LRRIQ3: variants seen among roughly 807,000 people sequenced by gnomAD.
LRRIQ3 encodes the protein leucine rich repeats and IQ motif containing 3, also known as leucine-rich repeat and IQ domain-containing protein 3.
LRRIQ3 carries 75 observed loss-of-function variants against 59.3 expected under a neutral mutation model. The observed-to-expected ratio is 1.26, with a 90% CI of 1.05 to 1.53. LRRIQ3 has a LOEUF of 1.53. Among genes scored for constraint, LRRIQ3 ranks in the 40% most tolerant of loss-of-function variants. The probability of loss-of-function intolerance (pLI) is 0.00; values close to 1 mark genes in which losing one functional copy is unlikely to be tolerated. For missense variants in LRRIQ3, 831 were observed against 710.0 expected (o/e 1.17, Z -1.94); for synonymous variants, 250 against 231.3 (o/e 1.08, Z -0.73).
At chr1:74,063,234 A>T (rs1160441768) in intron 6 of LRRIQ3, among the ~76,000 whole-genome samples, 1 of 151,964 alleles carries the variant, frequency 6.6e-6, no homozygotes, top group Non-Finnish European at 1.5e-5. Flanking sequence ...TTTCTAATGT[A>T]ATCTCATAAT....
intron 4 of LRRIQ3, among the ~76,000 whole-genome samples, chr1:74,154,240 C>CAAAAAAAAAAAAAAAAAAAAAAAAAAAA (rs71078186): frequency 7.0e-5 from 4 of 57,278 alleles, no homozygotes; most frequent in Middle Eastern, 0.014. Context: ...GACTCCTTCT[C>CAAAAAAAAAAAAAAAAAAAAAAAAAAAA]AAAAAAAAAA....
At chr1:74,045,411 G>T (rs1654170587) in intron 6 of LRRIQ3, among the ~76,000 whole-genome samples, 1 of 151,920 alleles carries the variant, frequency 6.6e-6, no homozygotes, top group Non-Finnish European at 1.5e-5. Flanking sequence ...AAATTCAGCA[G>T]GCTTCATGCT....
Position 74,026,883 on chromosome 1 carries a change from T to A in LRRIQ3, c.1805A>T (p.Asp602Val). The change falls in exon 8 of 8, where the codon GAT (aspartate) becomes GTT (valine). Residue 602 changes from aspartate (D) to valine (V), a missense_variant. Asp to Val is a radical substitution (Grantham distance 152). Transcript: ENST00000354431. ...AFEKACERLQ[D>V]AKTKVAIVKT... is the part of the protein sequence containing the mutation. ...CACAATTGCTACTTTTGTTTTAGCA[T>A]CTTGAAGTCTTTCACAGGCTTTTTC... The A allele has an allele frequency of 6.2e-7, 1 of 1,607,962 alleles. No homozygotes were observed. The highest frequency in any genetic ancestry group is 8.5e-7 in the Non-Finnish European group (1 of 1,176,692).
intron 3 of LRRIQ3, among the ~76,000 whole-genome samples, chr1:74,178,456 A>C (rs577788563): frequency 6.7e-4 from 102 of 152,250 alleles, no homozygotes; most frequent in Non-Finnish European, 1.2e-3. Flanking sequence ...TGAGTGAATT[A>C]TAAATTTACT....
chr1:74,073,053 C>T (rs1051305497), intron 6 of LRRIQ3, among the ~76,000 whole-genome samples: 3 of 151,958 alleles, frequency 2.0e-5, no homozygotes, highest in African/African-American at 7.2e-5. Context: ...TTTAAAATAC[C>T]TCAAAAGTGT....
intron 6 of LRRIQ3, among the ~76,000 whole-genome samples, chr1:74,062,690 A>G (rs1654754804): frequency 6.6e-6 from 1 of 152,140 alleles, no homozygotes; most frequent in Admixed American, 6.6e-5. Context: ...TTGTAGTAAC[A>G]TGGTTGGAGC....
In LRRIQ3 at chr1:74,026,992, T is replaced by C. The variant is rs377475258; in HGVS notation, c.1719-23A>G. 1.1e-5 allele frequency: 16 copies of C among 1,425,634 alleles called. 1 individual carries two copies. In the South Asian group the frequency reaches 1.6e-4, roughly 15 times the overall value. The allele number at this position is 1,425,634 out of a possible 1,614,324, so 88.3% of individuals were successfully genotyped here. ...GATCTAAGAGGAGAAAGAAAGGTAATAGAATGAGATACTTTTAAATACTGA... is the reference window on the plus strand; with the variant it reads ...GATCTAAGAGGAGAAAGAAAGGTAACAGAATGAGATACTTTTAAATACTGA... On this transcript the variant is annotated intron_variant, in intron 7 of 7. Coordinates refer to ENST00000354431, the MANE Select transcript of LRRIQ3 (RefSeq NM_001105659.2).
At chr1:74,073,869 TAAAG>T (rs1405386917) in intron 6 of LRRIQ3, among the ~76,000 whole-genome samples, 1 of 152,104 alleles carries the variant, frequency 6.6e-6, no homozygotes, top group Non-Finnish European at 1.5e-5. Context: ...CTGTGAAAGA[TAAAG>T]AAAAGTTTAT....
chr1:74,092,428 C>T (rs944431537), intron 5 of LRRIQ3, among the ~76,000 whole-genome samples: 1 of 151,928 alleles, frequency 6.6e-6, no homozygotes, highest in Non-Finnish European at 1.5e-5. Flanking sequence ...TTTGACACCA[C>T]CTTAGTACAG....
rs867946895 is a variant in LRRIQ3 at position 74,135,437 on chromosome 1, T to C, written c.707+20296A>G. ...GATGTTTATGGAACAATTCACCCAA[T>C]AGAATGAAATTTCTTCTCAATCACA... On this transcript the variant is annotated intron_variant, in intron 4 of 7. Coordinates refer to ENST00000354431, the MANE Select transcript of LRRIQ3 (RefSeq NM_001105659.2). 1.2e-4 allele frequency among the ~76,000 whole-genome samples: 19 copies of C among 152,028 alleles called. No homozygotes were observed. In the Middle Eastern group the frequency reaches 0.01, roughly 82 times the overall value.
intron 7 of LRRIQ3, among the ~76,000 whole-genome samples, chr1:74,029,323 C>T (rs370661821): frequency 1.3e-5 from 2 of 152,104 alleles, no homozygotes; most frequent in African/African-American, 2.4e-5. Context: ...CCAGTTTTTG[C>T]CCATTCAGTA....
intron 1 of LRRIQ3, among the ~76,000 whole-genome samples, chr1:74,197,678 A>T (rs1196775832): frequency 6.6e-6 from 1 of 152,150 alleles, no homozygotes; most frequent in Non-Finnish European, 1.5e-5. Flanking sequence ...GCCTACTAAG[A>T]AAAAACAGAG....
intron 5 of LRRIQ3, among the ~76,000 whole-genome samples, chr1:74,106,342 G>A (rs1349491802): frequency 6.6e-6 from 1 of 151,916 alleles, no homozygotes; most frequent in East Asian, 1.9e-4. Flanking sequence ...GCACAAGGAA[G>A]CTTCCGATGT....
At chr1:74,116,231 C>T (rs986513486) in intron 4 of LRRIQ3, among the ~76,000 whole-genome samples, 1 of 151,974 alleles carries the variant, frequency 6.6e-6, no homozygotes, top group Non-Finnish European at 1.5e-5. Context: ...CCATACACTG[C>T]CCTATACCTG....
chr1:74,033,775 G>C (rs1050047251), intron 7 of LRRIQ3, among the ~76,000 whole-genome samples: 4 of 151,906 alleles, frequency 2.6e-5, no homozygotes, highest in Admixed American at 6.6e-5. Flanking sequence ...TGGTAGTATG[G>C]GAGGTCAATT....
chr1:74,168,454 T>G (rs908086724), intron 3 of LRRIQ3, among the ~76,000 whole-genome samples: 1 of 152,122 alleles, frequency 6.6e-6, no homozygotes, highest in Non-Finnish European at 1.5e-5. Context: ...ATCATTTTAT[T>G]TTCAATTTGC....
chr1:74,147,610 G>C (rs1647660965), intron 4 of LRRIQ3, among the ~76,000 whole-genome samples: 1 of 152,050 alleles, frequency 6.6e-6, no homozygotes, highest in East Asian at 1.9e-4. Flanking sequence ...AATTTAAAAG[G>C]CATGTATTAT....
chr1:74,090,761 G>A (rs1467282763), intron 5 of LRRIQ3, among the ~76,000 whole-genome samples: 1 of 151,812 alleles, frequency 6.6e-6, no homozygotes, highest in East Asian at 1.9e-4. Flanking sequence ...GGGTGTGGGA[G>A]TGTGTGCCTG....
intron 5 of LRRIQ3, among the ~76,000 whole-genome samples, chr1:74,105,024 C>A (rs186936946): frequency 5.1e-4 from 78 of 151,810 alleles, no homozygotes; most frequent in Non-Finnish European, 1.0e-3. Context: ...AACAGAGGTA[C>A]CTGAAGGCAA....
Sources: allele counts gnomAD v4.1 joint callset (sites outside exome capture counted in the v4.1 genomes callset), GRCh38; gene constraint gnomAD v4.1.1; transcripts MANE v1.5; gene names NCBI Gene and HGNC (gene_info 2026-07-23, HGNC 2026-07-21).